MTUS2: variants seen among roughly 807,000 people sequenced by gnomAD.
MTUS2 encodes the protein microtubule associated scaffold protein 2, also known as microtubule-associated tumor suppressor candidate 2.
A neutral mutation model predicts 114.1 loss-of-function variants in MTUS2; 40 were observed. The ratio of observed to expected loss-of-function variants is 0.35; its 90% CI spans 0.27 to 0.46. The LOEUF (loss-of-function observed/expected upper bound fraction) is 0.46, where lower values mean the gene tolerates loss of function less well. Ranked by LOEUF, MTUS2 falls within the 20% of genes least tolerant of loss-of-function variation. The pLI, the probability that MTUS2 is intolerant of heterozygous loss-of-function variation, is 1.00. For synonymous variants in MTUS2, 688 were observed against 672.0 expected (o/e 1.02, Z -0.37); for missense variants, 1,679 against 1,705.4 (o/e 0.98, Z 0.27).
At chr13:28,885,525 G>C (rs3011020) in intron 2 of MTUS2, among the ~76,000 whole-genome samples, 22,475 of 152,196 alleles carry the variant, frequency 0.15, 1,901 homozygotes, top group African/African-American at 0.21. Context: ...CCCAAGTTAG[G>C]ATCCAGACTT....
intron 9 of MTUS2, among the ~76,000 whole-genome samples, chr13:29,464,381 G>T (rs1298779199): frequency 6.6e-6 from 1 of 152,274 alleles, no homozygotes; most frequent in Non-Finnish European, 1.5e-5. Context: ...AAGCCAGGGA[G>T]AGAGAACAGG....
chr13:28,991,846 T>C (rs1325457904), intron 2 of MTUS2, among the ~76,000 whole-genome samples: 2 of 152,142 alleles, frequency 1.3e-5, no homozygotes, highest in Admixed American at 1.3e-4. Flanking sequence ...TGATCCTGTG[T>C]CTCAGGTCCA....
At chr13:29,060,486 G>C (rs757319950) in intron 4 of MTUS2, among the ~76,000 whole-genome samples, 6 of 150,504 alleles carry the variant, frequency 4.0e-5, no homozygotes, top group Admixed American at 2.6e-4. Flanking sequence ...ACCCCTCTCC[G>C]CTGTCTGTGT....
intron 9 of MTUS2, among the ~76,000 whole-genome samples, chr13:29,467,221 CT>C (rs1294963230): frequency 6.6e-6 from 1 of 152,198 alleles, no homozygotes; most frequent in African/African-American, 2.4e-5. Flanking sequence ...AAACTTAAAA[CT>C]TTTGCCTGTG....
intron 8 of MTUS2, among the ~76,000 whole-genome samples, chr13:29,410,419 G>A (rs1171199938): frequency 1.3e-5 from 2 of 152,160 alleles, no homozygotes; most frequent in East Asian, 1.9e-4. Flanking sequence ...GAGCCACCGC[G>A]CCCAGGCTGT....
chr13:29,182,975 A>C (rs1449576016), intron 5 of MTUS2, among the ~76,000 whole-genome samples: 2 of 152,092 alleles, frequency 1.3e-5, no homozygotes, highest in Non-Finnish European at 2.9e-5. Context: ...GAGGAGGAAC[A>C]ATCTAGGATC....
intron 5 of MTUS2, among the ~76,000 whole-genome samples, chr13:29,145,583 GT>G (rs1892400463): frequency 6.6e-6 from 1 of 152,132 alleles, no homozygotes; most frequent in African/African-American, 2.4e-5. Context: ...CCAATGTTCA[GT>G]TTAGGTTTGT....
intron 4 of MTUS2, among the ~76,000 whole-genome samples, chr13:29,090,739 C>G (rs1403660601): frequency 6.6e-6 from 1 of 152,210 alleles, no homozygotes; most frequent in African/African-American, 2.4e-5. Context: ...GAGCCCTGCT[C>G]TCTTTAGGTC....
At chr13:29,061,905 A>G (rs1458419924) in intron 4 of MTUS2, among the ~76,000 whole-genome samples, 2 of 33,898 alleles carry the variant, frequency 5.9e-5, no homozygotes, top group African/African-American at 2.1e-4. Context: ...TTTTTGTTGT[A>G]GCTGAAAGAA....
chr13:28,820,112 G>A (rs1405466430), upstream of MTUS2, among the ~76,000 whole-genome samples: 2 of 146,924 alleles, frequency 1.4e-5, no homozygotes, highest in Non-Finnish European at 3.0e-5. Context: ...TGCGAAGGTT[G>A]GGCTGGGCGG....
intron 8 of MTUS2, among the ~76,000 whole-genome samples, chr13:29,360,505 T>C (rs1326269288): frequency 6.6e-6 from 1 of 152,210 alleles, no homozygotes; most frequent in African/African-American, 2.4e-5. Flanking sequence ...CAATCTGTTG[T>C]GGTATTAAAT....
At chr13:29,019,774 A>T (rs967765131) in intron 2 of MTUS2, among the ~76,000 whole-genome samples, 2 of 152,248 alleles carry the variant, frequency 1.3e-5, no homozygotes, top group African/African-American at 2.4e-5. Context: ...TGCAGTTAGA[A>T]TTGAAGTATT....
At chr13:29,137,312 T>G (rs1455480688) in intron 5 of MTUS2, among the ~76,000 whole-genome samples, 2 of 152,210 alleles carry the variant, frequency 1.3e-5, no homozygotes, top group Non-Finnish European at 2.9e-5. Flanking sequence ...TTATACTGTT[T>G]CTTGGTGTGG....
chr13:29,270,500 G>GA (rs1308737896), intron 5 of MTUS2, among the ~76,000 whole-genome samples: 1 of 152,228 alleles, frequency 6.6e-6, no homozygotes, highest in Non-Finnish European at 1.5e-5. Context: ...TCAGCAGAGA[G>GA]AAGCTCTCTG....
At chr13:29,121,723 C>T (rs543935287) in intron 5 of MTUS2, among the ~76,000 whole-genome samples, 10 of 151,350 alleles carry the variant, frequency 6.6e-5, no homozygotes, top group Non-Finnish European at 1.3e-4. Flanking sequence ...ATGGCATGAT[C>T]GCGGCTCACC....
intron 5 of MTUS2, among the ~76,000 whole-genome samples, chr13:29,278,006 A>G (rs960643908): frequency 3.3e-5 from 5 of 152,194 alleles, no homozygotes; most frequent in East Asian, 1.9e-4. Context: ...GTCTGCCCCA[A>G]TAAATCATGT....
At chr13:28,839,045 T>C (rs1344203325) in intron 1 of MTUS2, among the ~76,000 whole-genome samples, 1 of 152,044 alleles carries the variant, frequency 6.6e-6, no homozygotes, top group Non-Finnish European at 1.5e-5. Flanking sequence ...GCGATATGTG[T>C]AGGTAAAAAA....
chr13:29,498,966 T>TA (rs1484296227), intron 14 of MTUS2, among the ~76,000 whole-genome samples: 1 of 152,118 alleles, frequency 6.6e-6, no homozygotes, highest in African/African-American at 2.4e-5. Flanking sequence ...GAGATGGAGC[T>TA]AAGGAGCCCT....
chr13:29,469,964 A>G (rs1379596961), intron 9 of MTUS2, among the ~76,000 whole-genome samples: 1 of 152,184 alleles, frequency 6.6e-6, no homozygotes, highest in African/African-American at 2.4e-5. Context: ...TTTGGCTCAC[A>G]GGGAAGGAAA....
Sources: gnomAD v4.1 joint callset for allele counts (sites outside exome capture counted in the v4.1 genomes callset) on GRCh38, gnomAD v4.1.1 for gene constraint, MANE v1.5 for transcripts, NCBI Gene and HGNC (gene_info 2026-07-23, HGNC 2026-07-21) for gene names.